The following KDM5C variants were observed in gnomAD, a reference collection of about 807,000 sequenced individuals.
The protein encoded by KDM5C is lysine-specific demethylase 5C.
In KDM5C, 16 loss-of-function variants were observed where a neutral mutation model predicts 110.6. The ratio of observed to expected loss-of-function variants is 0.14; its 90% CI spans 0.10 to 0.22. The LOEUF is 0.22. KDM5C is among the 10% of genes least tolerant of loss of function. The pLI is 1.00. For synonymous variants in KDM5C, 511 were observed against 520.4 expected (o/e 0.98, Z 0.24); for missense variants, 681 against 1,300.9 (o/e 0.52, Z 7.33).
chrX:53,210,353 C>T (rs1049235806), intron 12 of KDM5C, 61 bp downstream of exon 12: 225 of 1,180,174 alleles, frequency 1.9e-4, no homozygotes, highest in Non-Finnish European at 2.5e-4. Context: ...GCCACCACCA[C>T]CATCACAAAG....
At chrX:53,204,333 A>G (rs1186080872) in intron 12 of KDM5C, among the ~76,000 whole-genome samples, 1 of 103,180 alleles carries the variant, frequency 9.7e-6, no homozygotes, top group Non-Finnish European at 1.9e-5. Context: ...TGGGAACCTC[A>G]GCATCCAGTA....
intron 17 of KDM5C, 104 bp downstream of exon 17, chrX:53,198,386 T>A: frequency 3.0e-6 from 3 of 1,005,660 alleles, no homozygotes; most frequent in Non-Finnish European, 4.1e-6. Context: ...CCTGCTGATG[T>A]CCATTCTGCC....
chrX:53,201,965 G>A lies in KDM5C; in HGVS notation c.1755C>T (p.Arg585=). The change falls in exon 13 of 26, where the codon CGC becomes CGT. Residue 585 remains arginine, a synonymous_variant. Transcript: ENST00000375401. Reference sequence around the variant, plus strand: ...CAAACTCTCCTGCACACTGGTTTGTGCGGACAACCTGAAGAACACAAAAGG... The same window carrying A: ...CAAACTCTCCTGCACACTGGTTTGTACGGACAACCTGAAGAACACAAAAGG... The part of the protein sequence containing the change: ...TLMSHGVPVV[R]TNQCAGEFVI... The A allele has an allele frequency of 8.3e-7, 1 of 1,211,938 alleles. No individual in the cohort carries two copies. Among genetic ancestry groups the A allele is most frequent in the Non-Finnish European group, 1.1e-6 (1 of 895,525 alleles).
chrX:53,206,434 TGG>T (rs1569269775), intron 12 of KDM5C, among the ~76,000 whole-genome samples: 1 of 111,641 alleles, frequency 9.0e-6, no homozygotes, highest in East Asian at 2.8e-4. Context: ...GTACTTAAAA[TGG>T]GTGAATTTTA....
At chrX:53,191,274 T>A (rs1934406613), downstream of KDM5C, 5 of 170,097 alleles carry the variant, frequency 2.9e-5, no homozygotes, top group Admixed American at 3.2e-4. Context: ...GGACCATTAA[T>A]GGGCTTGAAA....
At chrX:53,198,274 CT>C (rs1251592697) in intron 17 of KDM5C, among the ~76,000 whole-genome samples, 1 of 112,017 alleles carries the variant, frequency 8.9e-6, no homozygotes, top group East Asian at 2.8e-4. Flanking sequence ...ACACTTCTAG[CT>C]TTCTTATCAC....
At chrX:53,186,803 C>G (rs1556828274), downstream of KDM5C, among the ~76,000 whole-genome samples, 1 of 112,284 alleles carries the variant, frequency 8.9e-6, no homozygotes, top group East Asian at 2.8e-4. Context: ...CATAGCTGGT[C>G]AGAGGTATAG....
chrX:53,187,751 T>A (rs1041582750), downstream of KDM5C, among the ~76,000 whole-genome samples: 21 of 85,151 alleles, frequency 2.5e-4, no homozygotes, highest in East Asian at 6.9e-3. Context: ...AAAATAAAAA[T>A]AAAAAATAAT....
At chrX:53,179,823 A>G (rs973300045) in intron 25 of KDM5C, among the ~76,000 whole-genome samples, 2 of 112,031 alleles carry the variant, frequency 1.8e-5, no homozygotes, top group Non-Finnish European at 3.8e-5. Flanking sequence ...ACTCTCATTC[A>G]TTGCTGATGG....
At chrX:53,202,954 G>A (rs969280266) in intron 12 of KDM5C, among the ~76,000 whole-genome samples, 15 of 110,367 alleles carry the variant, frequency 1.4e-4, no homozygotes, top group African/African-American at 4.9e-4. Flanking sequence ...GAATAGCTGG[G>A]ACTACAGACG....
chrX:53,192,858 G>GGCCCCCCCCCCCCCCC lies in KDM5C; in HGVS notation c.*108_*109insGGGGGGGGGGGGGGGC. On this transcript the variant is annotated 3_prime_UTR_variant, in exon 26 of 26. Coordinates refer to ENST00000375401, the MANE Select transcript of KDM5C (RefSeq NM_004187.5). ...CAGGGGTGGGCGGGTAGCAGGGATG[G>GGCCCCCCCCCCCCCCC]CCACCCCCCTACCCGCCCACCCCCC... 1.4e-6 allele frequency: 1 copy of GGCCCCCCCCCCCCCCC among 728,432 alleles called. No homozygotes were observed. Among genetic ancestry groups the GGCCCCCCCCCCCCCCC allele is most frequent in the African/African-American group, 2.8e-5 (1 of 35,795 alleles). The allele number at this position is 728,432 out of a possible 1,213,427, so 60.0% of individuals were successfully genotyped here.
downstream of KDM5C, among the ~76,000 whole-genome samples, chrX:53,186,389 G>A (rs1342643475): frequency 1.8e-5 from 2 of 112,059 alleles, no homozygotes; most frequent in Non-Finnish European, 3.8e-5. Flanking sequence ...GCTGAGCATA[G>A]GACTCCAAGT....
chrX:53,216,055 C>A lies in KDM5C; in HGVS notation c.781+19G>T, dbSNP rs782033943. 6 of 1,212,432 alleles carry A rather than the reference C, an allele frequency of 4.9e-6. No individual in the cohort carries two copies. The highest frequency in any genetic ancestry group is 5.6e-6 in the Non-Finnish European group (5 of 895,617). Reference sequence around the variant, plus strand: ...ACTTTTCTCCCCAGGTGAGGCCACCCCAGCCTGTTAGGCCTTACCTTTCTT... The same window carrying A: ...ACTTTTCTCCCCAGGTGAGGCCACCACAGCCTGTTAGGCCTTACCTTTCTT... On this transcript the variant is annotated intron_variant, in intron 6 of 25. Coordinates refer to ENST00000375401, the MANE Select transcript of KDM5C (RefSeq NM_004187.5).
At chrX:53,197,434 G>T (rs1934946374) in intron 18 of KDM5C, among the ~76,000 whole-genome samples, 1 of 110,455 alleles carries the variant, frequency 9.1e-6, no homozygotes, top group African/African-American at 3.3e-5. Context: ...GGGGTCTGTT[G>T]CCCTCTCCAT....
rs782193686 is a variant in KDM5C at position 53,197,855 on chromosome X, T to C, written c.2538A>G (p.Leu846=). ...QEAGPHRVAG[L]QMTLTELRAF... The stretch of plus-strand genomic sequence containing the variant: ...CCCGGAGCTCAGTCAGGGTCATCTG[T>C]AGACCAGCCACCCTGTGGGGGCTAT... Residue 846 remains leucine, a synonymous_variant, in exon 18 of 26, where the codon CTA becomes CTG. Transcript: ENST00000375401. 24 of 1,195,002 alleles carry C rather than the reference T, an allele frequency of 2.0e-5. No homozygotes were observed. In the South Asian group the frequency reaches 3.9e-4, roughly 19 times the overall value.
chrX:53,218,161 G>A (rs2274306), intron 3 of KDM5C, 115 bp downstream of exon 3: 1 of 955,505 alleles, frequency 1.0e-6, no homozygotes, highest in African/African-American at 1.9e-5. Context: ...GTGCTACCAA[G>A]CTGTGCCCCT....
At chrX:53,180,981 GA>G (rs1420076943) in intron 25 of KDM5C, among the ~76,000 whole-genome samples, 1 of 107,895 alleles carries the variant, frequency 9.3e-6, no homozygotes, top group Non-Finnish European at 1.9e-5. Context: ...GCCCGCCTCG[GA>G]AATTTTTGTA....
Position 53,199,545 on chromosome X carries a change from G to A in KDM5C, c.2062-387C>T, listed in dbSNP as rs1359039959. Among the ~76,000 whole-genome samples, 6 of 111,739 alleles carry A rather than the reference G, an allele frequency of 5.4e-5. 1 individual carries two copies. The highest frequency in any genetic ancestry group is 3.8e-5 in the Non-Finnish European group (2 of 53,156). ...GTTATGTGTACTGGGGAACAATATC[G>A]GCTTCCAGTTACTCAGAGCCCACTG... is the stretch of plus-strand genomic sequence containing the variant. On this transcript the variant is annotated intron_variant, in intron 14 of 25. Transcript: ENST00000375401.
downstream of KDM5C, among the ~76,000 whole-genome samples, chrX:53,189,594 A>G (rs1934338762): frequency 8.9e-6 from 1 of 112,399 alleles, no homozygotes; most frequent in Non-Finnish European, 1.9e-5. Flanking sequence ...TGCCCCTTCA[A>G]GGACCCACTG....
Sources: gnomAD v4.1 joint callset for allele counts (sites outside exome capture counted in the v4.1 genomes callset) on GRCh38, gnomAD v4.1.1 for gene constraint, MANE v1.5 for transcripts, NCBI Gene and HGNC (gene_info 2026-07-23, HGNC 2026-07-21) for gene names.